The following PHF24 variants were observed in gnomAD, a reference collection of about 807,000 sequenced individuals.
PHF24 encodes PHD finger protein 24, also known as Galpha inhibitory interacting protein.
PHF24 carries 25 observed loss-of-function variants against 42.6 expected under a neutral mutation model. The observed-to-expected ratio is 0.59, with a 90% confidence interval of 0.43 to 0.82. PHF24 has a LOEUF of 0.82. Among genes scored for constraint, PHF24 ranks in the 40% least tolerant of loss-of-function variants. The probability of loss-of-function intolerance (pLI) is 0.00; values close to 1 mark genes in which losing one functional copy is unlikely to be tolerated. For synonymous variants in PHF24, 185 were observed against 204.8 expected, an observed-to-expected ratio of 0.90 and a Z score of 0.83; for missense variants, 470 against 538.1, an observed-to-expected ratio of 0.87 and a Z score of 1.25.
At chr9:34,858,170 T>G in the PHF24 span, among the ~76,000 whole-genome samples, 1 of 152,176 alleles carries the variant, frequency 6.6e-6, no homozygotes, top group South Asian at 2.1e-4. Flanking sequence ...GTTTATTTGG[T>G]GTTGTCATTT....
the PHF24 span, among the ~76,000 whole-genome samples, chr9:34,874,473 C>A: frequency 6.6e-6 from 1 of 152,166 alleles, no homozygotes; most frequent in African/African-American, 2.4e-5. Flanking sequence ...TACCCCACTG[C>A]CTGCCCAGGA....
At chr9:34,979,031 A>G (rs1425831616) in exon 8 of PHF24, 1 of 152,280 alleles carries the variant, frequency 6.6e-6, no homozygotes, top group Admixed American at 6.5e-5. Context: ...GCTTCACCCA[A>G]GTCACCGACC....
the PHF24 span, chr9:34,918,054 C>T: frequency 2.9e-6 from 4 of 1,368,444 alleles, no homozygotes; most frequent in East Asian, 6.9e-5. Context: ...CAAAGGAGGC[C>T]TGGACAAGGC....
chr9:34,697,426 T>C, the PHF24 span, among the ~76,000 whole-genome samples: 1 of 152,182 alleles, frequency 6.6e-6, no homozygotes, highest in Non-Finnish European at 1.5e-5. Context: ...TTCAAGCGAT[T>C]CTCTTGCCTC....
chr9:34,735,133 CTTTTTTTTT>C, the PHF24 span, among the ~76,000 whole-genome samples: 23 of 112,486 alleles, frequency 2.0e-4, no homozygotes, highest in Non-Finnish European at 3.3e-4. Context: ...TTTCTTTTTT[CTTTTTTTTT>C]TTTTTTTTTT....
chr9:34,752,230 A>G, the PHF24 span, among the ~76,000 whole-genome samples: 3 of 152,116 alleles, frequency 2.0e-5, no homozygotes, highest in Admixed American at 2.0e-4. Context: ...GAAATGTAAA[A>G]AATACATAAG....
the PHF24 span, among the ~76,000 whole-genome samples, chr9:34,701,560 G>A: frequency 6.6e-6 from 1 of 152,116 alleles, no homozygotes; most frequent in Non-Finnish European, 1.5e-5. The surrounding 1 kb of genome is among the most constrained non-coding windows in gnomAD (Gnocchi z 5.8). Context: ...GCTGCGGTGA[G>A]CGGGCGTCCG....
the PHF24 span, among the ~76,000 whole-genome samples, chr9:34,779,882 C>T: frequency 0.042 from 6,435 of 152,212 alleles, 446 homozygotes; most frequent in African/African-American, 0.15. Flanking sequence ...CCTGCCAACA[C>T]GCCCCGCTAA....
At chr9:34,829,994 G>A in the PHF24 span, among the ~76,000 whole-genome samples, 1 of 152,192 alleles carries the variant, frequency 6.6e-6, no homozygotes, top group Admixed American at 6.5e-5. Flanking sequence ...GGAGCTCAGT[G>A]GAAAGACTGG....
At chr9:34,772,218 T>C in the PHF24 span, among the ~76,000 whole-genome samples, 1 of 152,210 alleles carries the variant, frequency 6.6e-6, no homozygotes, top group East Asian at 1.9e-4. Flanking sequence ...GCCTTGCTGA[T>C]GGGAATGTGA....
chr9:34,742,248 C>G, the PHF24 span, among the ~76,000 whole-genome samples: 6 of 152,214 alleles, frequency 3.9e-5, no homozygotes, highest in African/African-American at 9.6e-5. Flanking sequence ...GAAAAACTCA[C>G]TTGGAAAATA....
intron 3 of PHF24, among the ~76,000 whole-genome samples, chr9:34,975,891 A>C (rs907959716): frequency 2.6e-5 from 4 of 152,004 alleles, no homozygotes; most frequent in African/African-American, 9.7e-5. Context: ...TCAGAGGAGA[A>C]AACCACTGTT....
the PHF24 span, among the ~76,000 whole-genome samples, chr9:34,819,384 T>G: frequency 6.6e-6 from 1 of 152,144 alleles, no homozygotes; most frequent in African/African-American, 2.4e-5. Flanking sequence ...GAGATTTTTC[T>G]ATTTCTTTAA....
the PHF24 span, among the ~76,000 whole-genome samples, chr9:34,894,105 C>T: frequency 6.6e-6 from 1 of 152,184 alleles, no homozygotes. Flanking sequence ...ACAGGGATGA[C>T]TTCTTTACGC....
chr9:34,784,788 A>G, the PHF24 span, among the ~76,000 whole-genome samples: 1 of 152,220 alleles, frequency 6.6e-6, no homozygotes, highest in Non-Finnish European at 1.5e-5. Flanking sequence ...GTTTCAAGAT[A>G]GTGAAAGGAC....
At chr9:34,753,160 C>T in the PHF24 span, among the ~76,000 whole-genome samples, 4 of 152,140 alleles carry the variant, frequency 2.6e-5, 1 homozygote, top group South Asian at 8.3e-4. Context: ...ACTGGAAGTC[C>T]TAGCTACAGC....
chr9:34,977,392 C>A, intron 6 of PHF24, 149 bp downstream of exon 6: 1 of 1,208,796 alleles, frequency 8.3e-7, no homozygotes. Context: ...TGCCTACGGG[C>A]CAGGGCATAG....
chr9:34,898,094 T>C, the PHF24 span, among the ~76,000 whole-genome samples: 1 of 152,226 alleles, frequency 6.6e-6, no homozygotes, highest in African/African-American at 2.4e-5. Context: ...TTTGGGTTGG[T>C]TCTACGTTTT....
rs78730403 is a variant in PHF24, at chr9:34,968,176, A to G, written c.-4-3119A>G. 2.5e-3 allele frequency among the ~76,000 whole-genome samples: 379 copies of G among 152,338 alleles called. 3 individuals carry two copies. The highest frequency in any genetic ancestry group is 3.9e-3 in the Non-Finnish European group (266 of 68,038). ...TTTTGAGTATCTTTCCCACCAATAA[A>G]TATACTTCTACCTCAGTGTTTTCCG... On this transcript the variant is annotated intron_variant, in intron 1 of 7. Coordinates refer to ENST00000242315, the Ensembl canonical transcript of PHF24.
Sources: gnomAD v4.1 joint callset for allele counts (sites outside exome capture counted in the v4.1 genomes callset) on GRCh38, gnomAD v4.1.1 for gene constraint, Gnocchi (gnomAD v3.1) non-coding constraint, MANE v1.5 for transcripts, NCBI Gene and HGNC (gene_info 2026-07-23, HGNC 2026-07-21) for gene names.